Variants in EEF1AKMT2 observed in about 807,000 individuals in gnomAD.
EEF1AKMT2 encodes eukaryotic translation elongation factor 1 alpha lysine methyltransferase 2.
A neutral mutation model predicts 35.8 loss-of-function variants in EEF1AKMT2; 32 were observed. That is an observed-to-expected ratio of 0.89 (90% CI 0.67 to 1.20). The LOEUF (loss-of-function observed/expected upper bound fraction) is 1.20, where lower values mean the gene tolerates loss of function less well. Among genes scored for constraint, EEF1AKMT2 ranks in the 50% most tolerant of loss-of-function variants. The probability of loss-of-function intolerance (pLI) is 0.00; values close to 1 mark genes in which losing one functional copy is unlikely to be tolerated. For missense variants in EEF1AKMT2, 330 were observed against 347.5 expected (o/e 0.95, Z 0.40); for synonymous variants, 121 against 133.7 (o/e 0.91, Z 0.65).
intron 3 of EEF1AKMT2, among the ~76,000 whole-genome samples, chr10:124,777,405 G>A (rs997462089): frequency 6.6e-6 from 1 of 151,950 alleles, no homozygotes; most frequent in Non-Finnish European, 1.5e-5. Context: ...AGAGCCCACT[G>A]CACACTTAGG....
At chr10:124,783,064 A>G (rs1950556595) in intron 3 of EEF1AKMT2, 2 of 315,296 alleles carry the variant, frequency 6.3e-6, no homozygotes, top group African/African-American at 2.2e-5. Context: ...GGGGCTGAAC[A>G]TCATGTCCAC....
intron 4 of EEF1AKMT2, among the ~76,000 whole-genome samples, chr10:124,772,712 G>A (rs1297344880): frequency 6.6e-6 from 1 of 152,204 alleles, no homozygotes; most frequent in Non-Finnish European, 1.5e-5. Flanking sequence ...ACAGGCGTGA[G>A]CCACTGTGTC....
intron 3 of EEF1AKMT2, among the ~76,000 whole-genome samples, chr10:124,786,021 T>C (rs991479352): frequency 1.3e-5 from 2 of 151,032 alleles, no homozygotes; most frequent in Non-Finnish European, 2.9e-5. Flanking sequence ...ACAGTTAATA[T>C]CAAAAACAGC....
chr10:124,786,043 T>C (rs575292777), intron 3 of EEF1AKMT2, among the ~76,000 whole-genome samples: 2 of 151,802 alleles, frequency 1.3e-5, no homozygotes, highest in Non-Finnish European at 2.9e-5. Context: ...TACTATATGA[T>C]GATAGAAGTG....
At position 124,759,073 on chromosome 10, in the gene EEF1AKMT2, CA is replaced by C. The variant is rs1335956624; in HGVS notation, c.*1429del. 6.6e-6 allele frequency: 1 copy of C among 152,010 alleles called. No individual in the cohort carries two copies. The highest frequency in any genetic ancestry group is 1.5e-5 in the Non-Finnish European group (1 of 67,984). 9.4% of individuals were successfully genotyped at this position (152,010 alleles called of 1,614,324 possible). On this transcript the variant is annotated 3_prime_UTR_variant, in exon 7 of 7. Transcript: ENST00000368836. ...CAATACAGGAGTAACATTTGCCAAACAAAAAGTCACTTATGTAACCCAATAG... is the reference window on the plus strand; with the variant it reads ...CAATACAGGAGTAACATTTGCCAAACAAAAGTCACTTATGTAACCCAATAG...
chr10:124,785,278 A>C (rs1950575249), intron 3 of EEF1AKMT2, among the ~76,000 whole-genome samples: 1 of 150,900 alleles, frequency 6.6e-6, no homozygotes. Context: ...AAAGAATGTA[A>C]AAGGTAAAGT....
At position 124,758,778 on chromosome 10, in the gene EEF1AKMT2, T is replaced by C. The variant is rs1431895583; in HGVS notation, c.*1725A>G. ...AAAACAAAGACCCGATCTCAAAAAC[T>C]ATAAAAGTTTCTACAGTTTAAGATC... On this transcript the variant is annotated 3_prime_UTR_variant, in exon 7 of 7. Coordinates refer to ENST00000368836, the MANE Select transcript of EEF1AKMT2 (RefSeq NM_212554.4). 1 of 152,164 alleles carries C rather than the reference T, an allele frequency of 6.6e-6. No homozygotes were observed. 9.4% of individuals were successfully genotyped at this position (152,164 alleles called of 1,614,324 possible).
chr10:124,791,471 G>T (rs1950633884), intron 1 of EEF1AKMT2, among the ~76,000 whole-genome samples: 2 of 152,058 alleles, frequency 1.3e-5, no homozygotes, highest in African/African-American at 4.8e-5. Context: ...GGCCTCCCAG[G>T]AGCCAAAGCC....
chr10:124,776,605 C>A (rs80020913), intron 3 of EEF1AKMT2, among the ~76,000 whole-genome samples: 1 of 151,650 alleles, frequency 6.6e-6, no homozygotes, highest in African/African-American at 2.4e-5. Flanking sequence ...CTGGCCAACA[C>A]GGTGAAACCC....
chr10:124,768,782 C>T (rs542400919), intron 4 of EEF1AKMT2, among the ~76,000 whole-genome samples: 46 of 151,672 alleles, frequency 3.0e-4, no homozygotes, highest in Non-Finnish European at 6.2e-4. Context: ...ACTCTGGCTG[C>T]CCTGTGGTAA....
Position 124,774,966 on chromosome 10 carries a change from A to G in EEF1AKMT2, c.292-184T>C, listed in dbSNP as rs961126936. On this transcript the variant is annotated intron_variant, in intron 3 of 6. Coordinates refer to ENST00000368836, the MANE Select transcript of EEF1AKMT2 (RefSeq NM_212554.4). ...AATAAAAACTGAAAGTGTATATACT[A>G]TGACAATACCTTTGTTTTCATAATA... 2.4e-4 allele frequency: 64 copies of G among 263,770 alleles called. 1 individual carries two copies. The highest frequency in any genetic ancestry group is 5.4e-5 in the Admixed American group (1 of 18,572). 16.3% of individuals were successfully genotyped at this position (263,770 alleles called of 1,614,324 possible).
chr10:124,784,537 CTCAAA>C (rs1157255960), intron 3 of EEF1AKMT2, among the ~76,000 whole-genome samples: 1 of 151,134 alleles, frequency 6.6e-6, no homozygotes, highest in African/African-American at 2.4e-5. Flanking sequence ...TTAGAAAAGT[CTCAAA>C]TCAATAACCT....
intron 3 of EEF1AKMT2, among the ~76,000 whole-genome samples, chr10:124,785,120 TCCTGTAGC>T (rs1950573552): frequency 6.7e-6 from 1 of 148,662 alleles, no homozygotes; most frequent in Admixed American, 6.7e-5. Flanking sequence ...GGTGTTGCGC[TCCTGTAGC>T]CCCAGCTACT....
intron 4 of EEF1AKMT2, among the ~76,000 whole-genome samples, chr10:124,770,953 GA>G (rs2134127326): frequency 6.6e-6 from 1 of 152,176 alleles, no homozygotes; most frequent in South Asian, 2.1e-4. Flanking sequence ...TTCCTCCATT[GA>G]AATCTTGAAC....
At chr10:124,787,865 T>C (rs1381209750) in intron 3 of EEF1AKMT2, among the ~76,000 whole-genome samples, 1 of 152,200 alleles carries the variant, frequency 6.6e-6, no homozygotes, top group African/African-American at 2.4e-5. Flanking sequence ...GATAATTCAC[T>C]TAGCTGTATA....
At chr10:124,760,863 T>C (rs1210863460) in intron 6 of EEF1AKMT2, among the ~76,000 whole-genome samples, 1 of 152,228 alleles carries the variant, frequency 6.6e-6, no homozygotes, top group Non-Finnish European at 1.5e-5. Flanking sequence ...TGTGTCGAGT[T>C]TTTTTGTTTG....
intron 3 of EEF1AKMT2, among the ~76,000 whole-genome samples, chr10:124,785,246 CAAAAAAAAAAA>C (rs35915292): frequency 1.8e-4 from 11 of 61,400 alleles, no homozygotes; most frequent in South Asian, 6.8e-4. Flanking sequence ...GACTCCGTCT[CAAAAAAAAAAA>C]AAAAAAAAAA....
intron 2 of EEF1AKMT2, 52 bp downstream of exon 2, chr10:124,790,221 C>A: frequency 7.4e-7 from 1 of 1,357,786 alleles, no homozygotes; most frequent in African/African-American, 1.4e-5. Context: ...TAAACACACA[C>A]ACATATACAT....
At chr10:124,772,492 G>T (rs146635511) in intron 4 of EEF1AKMT2, among the ~76,000 whole-genome samples, 2,297 of 133,246 alleles carry the variant, frequency 0.017, 41 homozygotes, top group Admixed American at 0.067. Flanking sequence ...GCAGTTGCGC[G>T]ATCTTGGCTC....
Sources: gnomAD v4.1 joint callset for allele counts (sites outside exome capture counted in the v4.1 genomes callset) on GRCh38, gnomAD v4.1.1 for gene constraint, MANE v1.5 for transcripts, NCBI Gene and HGNC (gene_info 2026-07-23, HGNC 2026-07-21) for gene names.